The following MYT1L variants were observed in gnomAD, a reference collection of about 807,000 sequenced individuals.
MYT1L encodes the protein myelin transcription factor 1 like, also known as myelin transcription factor 1-like protein.
In MYT1L, 12 loss-of-function variants were observed where a neutral mutation model predicts 126.7. The ratio of observed to expected loss-of-function variants is 0.09; its 90% CI spans 0.06 to 0.15. The LOEUF (loss-of-function observed/expected upper bound fraction) is 0.15, where lower values mean the gene tolerates loss of function less well. Ranked by LOEUF, MYT1L falls within the 10% of genes least tolerant of loss-of-function variation. The pLI, the probability that MYT1L is intolerant of heterozygous loss-of-function variation, is 1.00. For missense variants in MYT1L, 979 were observed against 1,585.2 expected (o/e 0.62, Z 6.49); for synonymous variants, 541 against 604.2 (o/e 0.90, Z 1.53).
chr2:1,946,917 G>A (rs1286904586), intron 8 of MYT1L, among the ~76,000 whole-genome samples: 1 of 152,148 alleles, frequency 6.6e-6, no homozygotes, highest in Non-Finnish European at 1.5e-5. Context: ...GATACCTTCT[G>A]TGTTTGTTCA....
At chr2:1,792,188 G>C in intron 24 of MYT1L, 133 bp downstream of exon 24, 1 of 1,299,752 alleles carries the variant, frequency 7.7e-7, no homozygotes, top group Non-Finnish European at 1.0e-6. Context: ...TTAATGGTAT[G>C]GTTTCGGGGT....
intron 4 of MYT1L, among the ~76,000 whole-genome samples, chr2:2,009,983 T>C (rs948285483): frequency 6.6e-6 from 1 of 151,954 alleles, no homozygotes; most frequent in African/African-American, 2.4e-5. Context: ...CATGGGGTTT[T>C]AAAATCTTTC....
chr2:1,845,581 A>G (rs2042385154), intron 19 of MYT1L, among the ~76,000 whole-genome samples: 1 of 151,756 alleles, frequency 6.6e-6, no homozygotes, highest in Admixed American at 6.6e-5. Context: ...TCACGGCCCC[A>G]TTGCTGCTCT....
At chr2:2,266,430 G>A (rs1207957728) in intron 2 of MYT1L, among the ~76,000 whole-genome samples, 1 of 152,136 alleles carries the variant, frequency 6.6e-6, no homozygotes, top group East Asian at 1.9e-4. Context: ...AGTCCCAAAA[G>A]GGCTTTTCTG....
At chr2:2,143,057 G>A (rs561066634) in intron 3 of MYT1L, among the ~76,000 whole-genome samples, 199 of 151,122 alleles carry the variant, frequency 1.3e-3, no homozygotes, top group African/African-American at 4.1e-3. Context: ...TTGGGAGGCC[G>A]AGGCGGGCAG....
Position 2,224,443 on chromosome 2 carries a change from C to T in MYT1L, c.-420-51455G>A, listed in dbSNP as rs150258604. 4.8e-3 allele frequency among the ~76,000 whole-genome samples: 733 copies of T among 152,246 alleles called. 4 individuals carry two copies. The highest frequency in any genetic ancestry group is 0.016 in the African/African-American group (681 of 41,542). ...CCATGCTGCTCTTTCTAATTGCAAA[C>T]GTTTGCCAGTGAGAAGAAAAGGAAT... On this transcript the variant is annotated intron_variant, in intron 2 of 24. Coordinates refer to ENST00000647738, the MANE Select transcript of MYT1L (RefSeq NM_001303052.2). The surrounding 1 kb of genome is among the most constrained non-coding windows in gnomAD (Gnocchi z 4.0).
chr2:1,859,081 G>C (rs756964182), intron 18 of MYT1L, among the ~76,000 whole-genome samples: 2 of 152,308 alleles, frequency 1.3e-5, no homozygotes, highest in African/African-American at 4.8e-5. Flanking sequence ...TGGGTCTCCC[G>C]GGAGGCTTTG....
Position 2,119,555 on chromosome 2 carries a change from G to A in MYT1L, c.-304+53317C>T, listed in dbSNP as rs544582939. On this transcript the variant is annotated intron_variant, in intron 3 of 24. Transcript: ENST00000647738. ...ATCATATTTCCATTTTCCATTTTCCGTAAGAAAAAATTCATCTTAAAACCT... is the reference window on the plus strand; with the variant it reads ...ATCATATTTCCATTTTCCATTTTCCATAAGAAAAAATTCATCTTAAAACCT... Among the ~76,000 whole-genome samples the A allele has an allele frequency of 6.6e-5, 10 of 152,156 alleles. No homozygotes were observed. The South Asian group carries it at 8.3e-4, about 13-fold the overall frequency.
intron 3 of MYT1L, among the ~76,000 whole-genome samples, chr2:2,132,399 T>TA: frequency 6.6e-6 from 1 of 152,182 alleles, no homozygotes; most frequent in South Asian, 2.1e-4. Context: ...TATGCAGCCA[T>TA]AAAAGAGAAT....
rs116471897 is a variant in MYT1L at position 2,254,925 on chromosome 2, C to T, written c.-421+29479G>A. 4.7e-3 allele frequency among the ~76,000 whole-genome samples: 722 copies of T among 152,210 alleles called. 5 individuals carry two copies. Among genetic ancestry groups the T allele is most frequent in the African/African-American group, 0.016 (657 of 41,528 alleles). On this transcript the variant is annotated intron_variant, in intron 2 of 24. Coordinates refer to ENST00000647738, the MANE Select transcript of MYT1L (RefSeq NM_001303052.2). ...CAAGGAAATGATCTATATTTTTTCTCGACTTCTATAATATACATGTGCCAT... is the reference window on the plus strand; with the variant it reads ...CAAGGAAATGATCTATATTTTTTCTTGACTTCTATAATATACATGTGCCAT...
chr2:1,808,032 G>A (rs950952321), intron 22 of MYT1L, among the ~76,000 whole-genome samples: 14 of 152,080 alleles, frequency 9.2e-5, no homozygotes, highest in East Asian at 3.9e-4. Flanking sequence ...CTCTCCTGCC[G>A]CCATGTGAAG....
chr2:2,290,272 G>C (rs1309105995), intron 1 of MYT1L, among the ~76,000 whole-genome samples: 4 of 152,188 alleles, frequency 2.6e-5, no homozygotes, highest in Non-Finnish European at 5.9e-5. Flanking sequence ...GAGGGAGCTG[G>C]GGAAGGCCCA....
intron 2 of MYT1L, among the ~76,000 whole-genome samples, chr2:2,217,244 A>T (rs1193752014): frequency 1.3e-5 from 2 of 152,238 alleles, no homozygotes; most frequent in Admixed American, 1.3e-4. Flanking sequence ...TAATGAACAT[A>T]GATGAAAAAA....
chr2:2,243,703 A>G (rs1189027817), intron 2 of MYT1L, among the ~76,000 whole-genome samples: 1 of 152,216 alleles, frequency 6.6e-6, no homozygotes, highest in East Asian at 1.9e-4. Context: ...ATGGTAGCAC[A>G]CGCAGGAATC....
chr2:2,039,965 C>T lies in MYT1L; in HGVS notation c.-158+14013G>A, dbSNP rs145399253. The stretch of plus-strand genomic sequence containing the variant: ...ACATGACAAACAGGCAGGGACAACA[C>T]GTGATAGAGTCATAGAAAGGGCATG... On this transcript the variant is annotated intron_variant, in intron 4 of 24. Transcript: ENST00000647738. Among the ~76,000 whole-genome samples, 1,314 of 152,208 alleles carry T rather than the reference C, an allele frequency of 8.6e-3. 18 individuals are homozygous for T. The highest frequency in any genetic ancestry group is 0.027 in the African/African-American group (1,106 of 41,524).
At chr2:2,226,258 T>C (rs544090412) in intron 2 of MYT1L, among the ~76,000 whole-genome samples, 1 of 152,306 alleles carries the variant, frequency 6.6e-6, no homozygotes, top group South Asian at 2.1e-4. Context: ...ACTAGGAACA[T>C]AGCGGGGGCT....
intron 2 of MYT1L, among the ~76,000 whole-genome samples, chr2:2,272,713 A>G (rs982424894): frequency 2.0e-4 from 31 of 152,168 alleles, no homozygotes; most frequent in African/African-American, 6.3e-4. Context: ...TAACCTGTCT[A>G]AACTGATCTC....
At chr2:2,023,240 T>C (rs1169916710) in intron 4 of MYT1L, among the ~76,000 whole-genome samples, 1 of 152,142 alleles carries the variant, frequency 6.6e-6, no homozygotes, top group African/African-American at 2.4e-5. Context: ...CTTTACCGAA[T>C]CCTAGACACC....
At chr2:2,223,123 G>C (rs975157315) in intron 2 of MYT1L, among the ~76,000 whole-genome samples, 2 of 152,218 alleles carry the variant, frequency 1.3e-5, no homozygotes, top group African/African-American at 4.8e-5. Flanking sequence ...TGAGATTCGA[G>C]CCTTGAATGA....
Sources: gnomAD v4.1 joint callset for allele counts (sites outside exome capture counted in the v4.1 genomes callset) on GRCh38, gnomAD v4.1.1 for gene constraint, Gnocchi (gnomAD v3.1) non-coding constraint, MANE v1.5 for transcripts, NCBI Gene and HGNC (gene_info 2026-07-23, HGNC 2026-07-21) for gene names.